The following CAPZB variants were observed in gnomAD, a reference collection of about 807,000 sequenced individuals.
CAPZB encodes the protein F-actin-capping protein subunit beta.
CAPZB carries 2 observed loss-of-function variants against 38.1 expected under a neutral mutation model. The ratio of observed to expected loss-of-function variants is 0.05; its 90% CI spans 0.02 to 0.17. The LOEUF (loss-of-function observed/expected upper bound fraction) is 0.17. CAPZB is among the 10% of genes least tolerant of loss of function. The probability of loss-of-function intolerance (pLI) is 1.00; values close to 1 mark genes in which losing one functional copy is unlikely to be tolerated. For missense variants in CAPZB, 161 were observed against 334.2 expected, an observed-to-expected ratio of 0.48 and a Z score of 4.04; for synonymous variants, 107 against 127.4, an observed-to-expected ratio of 0.84 and a Z score of 1.08.
At chr1:19,349,003 GGA>G (rs2093977573) in intron 6 of CAPZB, among the ~76,000 whole-genome samples, 1 of 152,144 alleles carries the variant, frequency 6.6e-6, no homozygotes, top group Non-Finnish European at 1.5e-5. Context: ...CCATAAAACA[GGA>G]GTAGTGAGAG....
intron 1 of CAPZB, among the ~76,000 whole-genome samples, chr1:19,454,245 T>G (rs2094526046): frequency 6.6e-6 from 1 of 152,158 alleles, no homozygotes; most frequent in African/African-American, 2.4e-5. Context: ...GTGCTGATAA[T>G]TCACACCTGC....
intron 1 of CAPZB, among the ~76,000 whole-genome samples, chr1:19,421,216 C>T (rs566487152): frequency 3.9e-5 from 6 of 152,286 alleles, no homozygotes; most frequent in East Asian, 3.9e-4. Context: ...TTGGCCTTAA[C>T]GAAATATAAC....
intron 2 of CAPZB, among the ~76,000 whole-genome samples, chr1:19,410,568 C>T (rs1570177299): frequency 6.6e-6 from 1 of 152,250 alleles, no homozygotes; most frequent in East Asian, 1.9e-4. Context: ...CACAGCCCAG[C>T]CGGTTGAAGG....
intron 1 of CAPZB, among the ~76,000 whole-genome samples, chr1:19,463,410 A>G (rs1445498656): frequency 6.6e-6 from 1 of 152,170 alleles, no homozygotes; most frequent in African/African-American, 2.4e-5. Context: ...TCTGCAAAAC[A>G]CCTGTGGTTT....
At chr1:19,393,463 C>T (rs1350902444) in intron 2 of CAPZB, among the ~76,000 whole-genome samples, 1 of 152,212 alleles carries the variant, frequency 6.6e-6, no homozygotes, top group African/African-American at 2.4e-5. Context: ...TGAGGGCACC[C>T]CCCAACCTGT....
chr1:19,346,147 C>A (rs1050094852), intron 6 of CAPZB, among the ~76,000 whole-genome samples: 1 of 152,020 alleles, frequency 6.6e-6, no homozygotes, highest in Non-Finnish European at 1.5e-5. Flanking sequence ...GCACAGGGTA[C>A]CTGGAAGAGT....
At chr1:19,431,762 A>G (rs561099946) in intron 1 of CAPZB, among the ~76,000 whole-genome samples, 1 of 151,914 alleles carries the variant, frequency 6.6e-6, no homozygotes, top group Non-Finnish European at 1.5e-5. Context: ...AAAAAAGAAT[A>G]CAGTTGATTT....
chr1:19,416,860 C>CAAAAAAAAAAAAAAAAAAAAAAAAAAAAA (rs59789230), intron 2 of CAPZB, among the ~76,000 whole-genome samples: 6 of 69,446 alleles, frequency 8.6e-5, no homozygotes, highest in African/African-American at 3.6e-4. Flanking sequence ...GACCCTGTCT[C>CAAAAAAAAAAAAAAAAAAAAAAAAAAAAA]AAAAAAAAAA....
intron 4 of CAPZB, among the ~76,000 whole-genome samples, chr1:19,373,065 C>G (rs530584062): frequency 6.6e-6 from 1 of 152,140 alleles, no homozygotes; most frequent in Non-Finnish European, 1.5e-5. Context: ...GACAGTTACT[C>G]TCCTAGGGAA....
intron 1 of CAPZB, among the ~76,000 whole-genome samples, chr1:19,420,338 A>C (rs1203160466): frequency 6.6e-6 from 1 of 152,214 alleles, no homozygotes; most frequent in Non-Finnish European, 1.5e-5. Flanking sequence ...TGGACTGCAA[A>C]TGCAGTAAAC....
chr1:19,378,671 A>G lies in CAPZB; in HGVS notation c.216-18T>C, dbSNP rs1558201808. On this transcript the variant is annotated intron_variant, in intron 3 of 8. Transcript: ENST00000264202. ...ATGGTGACCTGGAGGGAAGGAAGGA[A>G]AAGTATATACCATGAATCGTTCCAT... 4.6e-6 allele frequency: 6 copies of G among 1,318,536 alleles called. No individual in the cohort carries two copies. The highest frequency in any genetic ancestry group is 6.6e-6 in the Non-Finnish European group (6 of 911,708). 81.7% of individuals were successfully genotyped at this position (1,318,536 alleles called of 1,614,324 possible). A position where few individuals can be genotyped will look rare whatever the true frequency, so the allele number is the denominator to read the frequency against.
chr1:19,452,579 G>A (rs555694050), intron 1 of CAPZB, among the ~76,000 whole-genome samples: 3 of 152,182 alleles, frequency 2.0e-5, no homozygotes, highest in Admixed American at 6.5e-5. Context: ...GAGTCAGCAC[G>A]CCCAAATCCT....
chr1:19,400,907 C>G (rs552912670), intron 2 of CAPZB, among the ~76,000 whole-genome samples: 64 of 152,314 alleles, frequency 4.2e-4, no homozygotes, highest in African/African-American at 1.5e-3. Context: ...CCGATCCTGA[C>G]CTGGTTCAGA....
At chr1:19,424,009 G>A (rs893890269) in intron 1 of CAPZB, among the ~76,000 whole-genome samples, 4 of 151,766 alleles carry the variant, frequency 2.6e-5, no homozygotes, top group Non-Finnish European at 5.9e-5. Flanking sequence ...ATGGGGTTTT[G>A]CTATGTTGCC....
chr1:19,421,361 G>C (rs1341573504), intron 1 of CAPZB, among the ~76,000 whole-genome samples: 1 of 152,116 alleles, frequency 6.6e-6, no homozygotes, highest in Non-Finnish European at 1.5e-5. Context: ...AAAAGATATT[G>C]ACATGGCATA....
intron 3 of CAPZB, among the ~76,000 whole-genome samples, chr1:19,383,464 AAAT>A (rs1448584814): frequency 6.9e-6 from 1 of 143,932 alleles, no homozygotes; most frequent in Non-Finnish European, 1.5e-5. Context: ...AAAAAAAAAA[AAAT>A]TAGCTGGGCA....
chr1:19,464,538 C>T (rs1035241413), intron 1 of CAPZB, among the ~76,000 whole-genome samples: 4 of 151,938 alleles, frequency 2.6e-5, no homozygotes, highest in South Asian at 2.1e-4. Flanking sequence ...GTGATCCACC[C>T]GCCTCGGCCT....
intron 1 of CAPZB, among the ~76,000 whole-genome samples, chr1:19,445,560 A>G (rs1226923880): frequency 6.6e-6 from 1 of 152,192 alleles, no homozygotes. Context: ...ACTGCCAATA[A>G]TAACTTGGTT....
chr1:19,461,529 G>C lies in CAPZB; in HGVS notation c.3+23907C>G, dbSNP rs1246189694. Among the ~76,000 whole-genome samples, 2 of 152,332 alleles carry C rather than the reference G, an allele frequency of 1.3e-5. 1 individual carries two copies. The highest frequency in any genetic ancestry group is 4.1e-4 in the South Asian group (2 of 4,822). On this transcript the variant is annotated intron_variant, in intron 1 of 8. Transcript: ENST00000264202. ...GAATATGCATGAGGGGCATGAGCTGGCTTCCACGCATGCTTCCTGCTCACC... is the reference window on the plus strand; with the variant it reads ...GAATATGCATGAGGGGCATGAGCTGCCTTCCACGCATGCTTCCTGCTCACC...
Sources: gnomAD v4.1 joint callset for allele counts (sites outside exome capture counted in the v4.1 genomes callset) on GRCh38, gnomAD v4.1.1 for gene constraint, MANE v1.5 for transcripts, NCBI Gene and HGNC (gene_info 2026-07-23, HGNC 2026-07-21) for gene names.